Variants in ATP8A1 observed in about 807,000 individuals in gnomAD.
ATP8A1 encodes the protein ATPase phospholipid transporting 8A1.
In ATP8A1, 90 loss-of-function variants were observed where a neutral mutation model predicts 177.7. The observed-to-expected ratio is 0.51, with a 90% CI of 0.43 to 0.60. ATP8A1 has a LOEUF of 0.60. ATP8A1 is among the 20% of genes least tolerant of loss of function. ATP8A1 has a pLI of 0.00. For missense variants in ATP8A1, 1,072 were observed against 1,392.8 expected (o/e 0.77, Z 3.67); for synonymous variants, 493 against 485.9 (o/e 1.01, Z -0.19).
chr4:42,569,469 C>T (rs1731696029), intron 14 of ATP8A1, among the ~76,000 whole-genome samples: 1 of 152,054 alleles, frequency 6.6e-6, no homozygotes, highest in Non-Finnish European at 1.5e-5. Context: ...ATTTTATTCA[C>T]AAAGTTCATA....
chr4:42,442,443 C>T (rs1716733711), intron 33 of ATP8A1, among the ~76,000 whole-genome samples: 1 of 152,124 alleles, frequency 6.6e-6, no homozygotes, highest in Non-Finnish European at 1.5e-5. Flanking sequence ...AAAGAGGAGA[C>T]CCACTCACGG....
chr4:42,641,551 C>G (rs993824773), intron 1 of ATP8A1, among the ~76,000 whole-genome samples: 4 of 151,614 alleles, frequency 2.6e-5, no homozygotes, highest in Admixed American at 1.3e-4. Context: ...ACCACTGATA[C>G]AGTGCAGGGC....
At chr4:42,627,257 C>T in intron 1 of ATP8A1, 148 bp from the exon 2 acceptor site, 2 of 598,394 alleles carry the variant, frequency 3.3e-6, no homozygotes, top group South Asian at 4.3e-5. Context: ...AGTAACATCC[C>T]CATATTTAAC....
intron 1 of ATP8A1, among the ~76,000 whole-genome samples, chr4:42,644,166 G>A (rs144476232): frequency 5.9e-5 from 9 of 152,242 alleles, no homozygotes; most frequent in Admixed American, 2.6e-4. Flanking sequence ...GAAGGCCTTC[G>A]TATTAAGGCT....
chr4:42,655,550 TATA>T (rs1268679650), intron 1 of ATP8A1, among the ~76,000 whole-genome samples: 3 of 152,244 alleles, frequency 2.0e-5, no homozygotes, highest in Non-Finnish European at 4.4e-5. Flanking sequence ...ATTTTAAAAG[TATA>T]ATGTATTCAA....
At chr4:42,574,473 G>A in intron 14 of ATP8A1, 146 bp downstream of exon 14, 1 of 652,498 alleles carries the variant, frequency 1.5e-6, no homozygotes, top group South Asian at 1.9e-5. Flanking sequence ...AAATATACAT[G>A]TGTCCTAAAA....
At chr4:42,520,177 A>G (rs1725971152) in intron 22 of ATP8A1, among the ~76,000 whole-genome samples, 2 of 152,230 alleles carry the variant, frequency 1.3e-5, no homozygotes. Context: ...TACATTAAAC[A>G]TTCTACTCTA....
intron 25 of ATP8A1, among the ~76,000 whole-genome samples, chr4:42,482,339 A>C (rs865872428): frequency 6.6e-4 from 101 of 151,880 alleles, no homozygotes; most frequent in African/African-American, 2.2e-3. Flanking sequence ...ACAAACAAAA[A>C]AAAAAAAGAA....
chr4:42,490,506 C>T (rs1321189065), intron 24 of ATP8A1, among the ~76,000 whole-genome samples: 1 of 152,194 alleles, frequency 6.6e-6, no homozygotes, highest in African/African-American at 2.4e-5. Flanking sequence ...CTTCGGCAAA[C>T]ATCGGCCTGT....
At chr4:42,413,043 C>T (rs375372807) in intron 36 of ATP8A1, 30 bp from the exon 37 acceptor site, 7 of 1,587,604 alleles carry the variant, frequency 4.4e-6, no homozygotes, top group Non-Finnish European at 6.0e-6. Flanking sequence ...CAGAAATTCT[C>T]ACAAAGGCAC....
chr4:42,552,092 G>A (rs1729557521), intron 17 of ATP8A1, among the ~76,000 whole-genome samples: 1 of 152,112 alleles, frequency 6.6e-6, no homozygotes, highest in Non-Finnish European at 1.5e-5. Flanking sequence ...AACAAAAGAG[G>A]AAGGCAAAAT....
intron 20 of ATP8A1, among the ~76,000 whole-genome samples, chr4:42,543,688 T>C (rs1247695653): frequency 1.9e-4 from 29 of 152,186 alleles, no homozygotes; most frequent in Admixed American, 1.9e-3. Context: ...TATCAAAAAT[T>C]GAATTATAAA....
intron 5 of ATP8A1, among the ~76,000 whole-genome samples, chr4:42,605,245 A>C (rs192080135): frequency 1.3e-5 from 2 of 152,306 alleles, no homozygotes; most frequent in East Asian, 3.9e-4. Flanking sequence ...CTTAAAATAG[A>C]CATCTCAGTT....
At chr4:42,430,629 C>G (rs1224635336) in intron 33 of ATP8A1, among the ~76,000 whole-genome samples, 1 of 152,134 alleles carries the variant, frequency 6.6e-6, no homozygotes, top group African/African-American at 2.4e-5. Flanking sequence ...TCTCTTCTCC[C>G]ACCTTCCACC....
chr4:42,494,431 C>T (rs138705152), intron 24 of ATP8A1, among the ~76,000 whole-genome samples: 9,248 of 152,212 alleles, frequency 0.061, 910 homozygotes, highest in African/African-American at 0.21. Context: ...GCCGAGATCA[C>T]GCCACTGCAC....
intron 25 of ATP8A1, among the ~76,000 whole-genome samples, chr4:42,465,846 C>A (rs1179492591): frequency 6.6e-6 from 1 of 152,088 alleles, no homozygotes; most frequent in Non-Finnish European, 1.5e-5. Flanking sequence ...TCCTGGCTAA[C>A]ACGGTGAAAC....
At chr4:42,543,565 C>T (rs903047286) in intron 20 of ATP8A1, among the ~76,000 whole-genome samples, 3 of 152,130 alleles carry the variant, frequency 2.0e-5, no homozygotes, top group African/African-American at 7.2e-5. Flanking sequence ...TTTCTATGCT[C>T]TTAAAAAATT....
chr4:42,412,183 A>C lies in ATP8A1; in HGVS notation c.*733T>G, dbSNP rs1304120916. On this transcript the variant is annotated 3_prime_UTR_variant, in exon 37 of 37. Coordinates refer to ENST00000381668, the MANE Select transcript of ATP8A1 (RefSeq NM_006095.2). ...TGTCCTCTAACAAATAAACACGACA[A>C]ACAACAAAGAAGCATTTGTAAGGCC... 6.6e-6 allele frequency: 1 copy of C among 152,208 alleles called. No homozygotes were observed. The highest frequency in any genetic ancestry group is 1.5e-5 in the Non-Finnish European group (1 of 68,022). 9.4% of individuals were successfully genotyped at this position (152,208 alleles called of 1,614,324 possible).
intron 1 of ATP8A1, among the ~76,000 whole-genome samples, chr4:42,635,754 T>TACACAC (rs375888383): frequency 1.2e-5 from 1 of 81,826 alleles, no homozygotes; most frequent in African/African-American, 4.2e-5. Flanking sequence ...TACATATATA[T>TACACAC]ACACACACAC....
Sources: allele counts gnomAD v4.1 joint callset (sites outside exome capture counted in the v4.1 genomes callset), GRCh38; gene constraint gnomAD v4.1.1; transcripts MANE v1.5; gene names NCBI Gene and HGNC (gene_info 2026-07-23, HGNC 2026-07-21).